Variants in ADD1 observed in about 807,000 individuals in gnomAD.
ADD1 encodes alpha-adducin.
Under a neutral mutation model 80.5 loss-of-function variants are expected in ADD1, and 24 were observed. The ratio of observed to expected loss-of-function variants is 0.30; its 90% CI spans 0.22 to 0.42. ADD1 has a LOEUF of 0.42. Among genes scored for constraint, ADD1 ranks in the 10% least tolerant of loss-of-function variants. The probability of loss-of-function intolerance (pLI) is 1.00; values close to 1 mark genes in which losing one functional copy is unlikely to be tolerated. For missense variants in ADD1, 948 were observed against 1,019.0 expected, an observed-to-expected ratio of 0.93 and a Z score of 0.95; for synonymous variants, 373 against 393.8, an observed-to-expected ratio of 0.95 and a Z score of 0.63.
chr4:2,920,655 TGC>T (rs1739853112), intron 14 of ADD1, among the ~76,000 whole-genome samples: 1 of 84,060 alleles, frequency 1.2e-5, no homozygotes, highest in African/African-American at 4.5e-5. Context: ...TTGCAACTCC[TGC>T]TTTTTTTTTT....
At chr4:2,850,139 A>T (rs1726846604) in intron 1 of ADD1, among the ~76,000 whole-genome samples, 1 of 152,248 alleles carries the variant, frequency 6.6e-6, no homozygotes, top group Non-Finnish European at 1.5e-5. Context: ...AATAGAAAGG[A>T]TTGAAGCACT....
At chr4:2,917,051 G>C (rs751064300) in intron 14 of ADD1, among the ~76,000 whole-genome samples, 8 of 152,176 alleles carry the variant, frequency 5.3e-5, no homozygotes, top group Non-Finnish European at 1.2e-4. Context: ...TATATACCCA[G>C]TAACGGGATT....
intron 5 of ADD1, 148 bp from the exon 6 acceptor site, chr4:2,894,434 T>C: frequency 2.9e-6 from 2 of 699,598 alleles, no homozygotes; most frequent in Non-Finnish European, 4.6e-6. Context: ...GGTGGGAGGA[T>C]TGTTTGAACC....
At chr4:2,914,682 A>G (rs776436480) in intron 13 of ADD1, 10 of 528,520 alleles carry the variant, frequency 1.9e-5, no homozygotes, top group Admixed American at 1.5e-4. Context: ...ATATCTGTTC[A>G]TCGTGGCACT....
chr4:2,925,878 G>A lies in ADD1; in HGVS notation c.1949-136G>A, dbSNP rs1208883347. ...GCTTCCTTTATCCTCTCTTGGAGAG[G>A]ATCAGGGAAAGGGTTGAGAGAGCCC... is the stretch of plus-strand genomic sequence containing the variant. On this transcript the variant is annotated intron_variant, in intron 14 of 15. Transcript: ENST00000683351. The A allele has an allele frequency of 2.0e-5, 13 of 655,338 alleles. No homozygotes were observed. The Admixed American group carries it at 3.8e-4, about 19-fold the overall frequency. 40.6% of individuals were successfully genotyped at this position (655,338 alleles called of 1,614,324 possible).
intron 1 of ADD1, among the ~76,000 whole-genome samples, chr4:2,862,090 C>A (rs1049868982): frequency 1.0e-3 from 152 of 147,578 alleles, no homozygotes; most frequent in African/African-American, 3.6e-3. Flanking sequence ...ACTGGGGCAG[C>A]CCAGCAGGTA....
intron 10 of ADD1, chr4:2,907,454 G>T: frequency 3.4e-6 from 1 of 295,380 alleles, no homozygotes; most frequent in South Asian, 3.5e-5. Context: ...GGGTTATGGG[G>T]CTCAGCTCTG....
chr4:2,880,926 A>C (rs934702740), intron 2 of ADD1, among the ~76,000 whole-genome samples: 6 of 152,098 alleles, frequency 3.9e-5, no homozygotes, highest in African/African-American at 1.4e-4. Context: ...TATTTGATAA[A>C]GGATGGATGG....
At chr4:2,869,732 T>G (rs2108862096) in intron 1 of ADD1, among the ~76,000 whole-genome samples, 1 of 152,320 alleles carries the variant, frequency 6.6e-6, no homozygotes, top group South Asian at 2.1e-4. Context: ...GCCTTGCATG[T>G]AAGGTGGAAG....
At chr4:2,874,791 C>G (rs1213648353) in intron 1 of ADD1, among the ~76,000 whole-genome samples, 1 of 152,052 alleles carries the variant, frequency 6.6e-6, no homozygotes, top group Non-Finnish European at 1.5e-5. Context: ...ACTTTATAGG[C>G]TTGTTATCCA....
At position 2,904,964 on chromosome 4, in the gene ADD1, C is replaced by T. The variant is rs142830875; in HGVS notation, c.1362C>T (p.Asp454=). The T allele has an allele frequency of 7.5e-4, 1,208 of 1,614,120 alleles. 5 individuals are homozygous for T. Among genetic ancestry groups the T allele is most frequent in the Middle Eastern group, 4.8e-3 (29 of 6,062 alleles). The change falls in exon 10 of 16, where the codon GAC becomes GAT. Residue 454 remains aspartate, a synonymous_variant. Coordinates refer to ENST00000683351, the MANE Select transcript of ADD1 (RefSeq NM_001354761.2). The part of the protein sequence containing the change: ...KTRWLNSGRG[D]EASEEGQNGS... The stretch of plus-strand genomic sequence containing the variant: ...GATGGCTGAACTCTGGCCGGGGCGA[C>T]GAAGCTTCCGAGGAAGGGCAGAATG...
chr4:2,847,152 G>A (rs1448788585), intron 1 of ADD1, among the ~76,000 whole-genome samples: 2 of 151,996 alleles, frequency 1.3e-5, no homozygotes, highest in East Asian at 3.9e-4. Flanking sequence ...AAACAAGCTA[G>A]GTGCGGTCGC....
chr4:2,899,616 T>C (rs1403482152), intron 9 of ADD1, 181 bp downstream of exon 9: 1 of 704,074 alleles, frequency 1.4e-6, no homozygotes. Context: ...AATGTAGAGG[T>C]GAAGGATTCC....
intron 2 of ADD1, among the ~76,000 whole-genome samples, chr4:2,879,640 T>C (rs906524032): frequency 1.3e-5 from 2 of 152,258 alleles, no homozygotes; most frequent in African/African-American, 2.4e-5. Flanking sequence ...CTTTTTTTTT[T>C]GAGATGGAGT....
intron 9 of ADD1, among the ~76,000 whole-genome samples, chr4:2,903,426 G>T (rs1216327825): frequency 6.6e-6 from 1 of 152,166 alleles, no homozygotes; most frequent in South Asian, 2.1e-4. Context: ...CAGGCACAGC[G>T]AACTCAACCT....
In ADD1 at chr4:2,885,673, A is replaced by G. The variant is rs539576594; in HGVS notation, c.510+1007A>G. Reference sequence around the variant, plus strand: ...TGCCCAGGCTGGAGTGCAGTGGTGCAATCTCGGCTCACTGCAAGCTCCGCC... The same window carrying G: ...TGCCCAGGCTGGAGTGCAGTGGTGCGATCTCGGCTCACTGCAAGCTCCGCC... On this transcript the variant is annotated intron_variant, in intron 4 of 15. Coordinates refer to ENST00000683351, the MANE Select transcript of ADD1 (RefSeq NM_001354761.2). Among the ~76,000 whole-genome samples, 115 of 151,338 alleles carry G rather than the reference A, an allele frequency of 7.6e-4. 1 individual carries two copies. Among genetic ancestry groups the G allele is most frequent in the South Asian group, 5.0e-3 (24 of 4,772 alleles).
intron 9 of ADD1, chr4:2,899,650 A>T: frequency 3.3e-6 from 2 of 602,614 alleles, no homozygotes; most frequent in Non-Finnish European, 5.8e-6. Context: ...TTTTTTAAAG[A>T]TAACCTTGTG....
At chr4:2,850,551 G>C (rs990776723) in intron 1 of ADD1, among the ~76,000 whole-genome samples, 1 of 152,154 alleles carries the variant, frequency 6.6e-6, no homozygotes, top group African/African-American at 2.4e-5. Context: ...TCAGCCTCCT[G>C]AGTAGCTGGG....
chr4:2,872,840 A>C (rs533836934), intron 1 of ADD1, among the ~76,000 whole-genome samples: 1 of 152,312 alleles, frequency 6.6e-6, no homozygotes, highest in Non-Finnish European at 1.5e-5. Flanking sequence ...GATTACAGGC[A>C]TGAGCCACCA....
Sources: allele counts gnomAD v4.1 joint callset (sites outside exome capture counted in the v4.1 genomes callset), GRCh38; gene constraint gnomAD v4.1.1; transcripts MANE v1.5; gene names NCBI Gene and HGNC (gene_info 2026-07-23, HGNC 2026-07-21).